Variants in CPAMD8 observed in about 807,000 individuals in gnomAD.
CPAMD8 encodes C3 and PZP like alpha-2-macroglobulin domain containing 8.
Under a neutral mutation model 224.7 loss-of-function variants are expected in CPAMD8, and 146 were observed. That is an observed-to-expected ratio of 0.65 (90% CI 0.57 to 0.75). The LOEUF (loss-of-function observed/expected upper bound fraction) is 0.75, where lower values mean the gene tolerates loss of function less well. Among genes scored for constraint, CPAMD8 ranks in the 30% least tolerant of loss-of-function variants. The probability of loss-of-function intolerance (pLI) is 0.00; values close to 1 mark genes in which losing one functional copy is unlikely to be tolerated. For synonymous variants in CPAMD8, 966 were observed against 1,044.6 expected (o/e 0.92, Z 1.45); for missense variants, 2,301 against 2,537.5 (o/e 0.91, Z 2.00).
chr19:16,904,584 C>A, intron 30 of CPAMD8, 32 bp from the exon 31 acceptor site: 2 of 1,461,662 alleles, frequency 1.4e-6, no homozygotes, highest in East Asian at 2.3e-5. Flanking sequence ...AGAGCTATAA[C>A]CCACCCAGTG....
Position 16,921,893 on chromosome 19 carries a change from G to A in CPAMD8, c.3629+12C>T, listed in dbSNP as rs1306798444. On this transcript the variant is annotated intron_variant, in intron 27 of 41. Coordinates refer to ENST00000443236, the MANE Select transcript of CPAMD8 (RefSeq NM_015692.5). ...AGCCTCAGAGGCAATGCCCAGGGCG[G>A]TGGGGACTCACCACATGCTCCCCGA... is the stretch of plus-strand genomic sequence containing the variant. 4 of 1,532,156 alleles carry A rather than the reference G, an allele frequency of 2.6e-6. No individual in the cohort carries two copies. The highest frequency in any genetic ancestry group is 2.6e-6 in the Non-Finnish European group (3 of 1,137,750). The allele number at this position is 1,532,156 out of a possible 1,614,324, so 94.9% of individuals were successfully genotyped here.
At chr19:16,947,576 T>G (rs532650032) in intron 20 of CPAMD8, among the ~76,000 whole-genome samples, 1 of 152,182 alleles carries the variant, frequency 6.6e-6, no homozygotes, top group African/African-American at 2.4e-5. Context: ...TCCAGATGGA[T>G]GTAACCTCTC....
rs10451483 is a variant in CPAMD8, at chr19:16,937,243, T to C, written c.2845+1152A>G. On this transcript the variant is annotated intron_variant, in intron 23 of 41. Coordinates refer to ENST00000443236, the MANE Select transcript of CPAMD8 (RefSeq NM_015692.5). ...TCCACCTCCTGGGCTCAAGCAATCC[T>C]CCCACCTCCACCTCCCAAGTAGCTG... 5.5e-4 allele frequency among the ~76,000 whole-genome samples: 84 copies of C among 152,052 alleles called. 1 individual carries two copies. The highest frequency in any genetic ancestry group is 1.8e-3 in the African/African-American group (74 of 41,472).
At chr19:17,000,163 T>C in intron 10 of CPAMD8, 1 of 386,822 alleles carries the variant, frequency 2.6e-6, no homozygotes, top group Middle Eastern at 6.6e-4. Context: ...CATATAACTG[T>C]TTTAGAAAGT....
intron 13 of CPAMD8, among the ~76,000 whole-genome samples, chr19:16,986,323 T>G (rs981725738): frequency 6.6e-6 from 1 of 152,086 alleles, no homozygotes; most frequent in Admixed American, 6.6e-5. Flanking sequence ...CGCTGGGGTT[T>G]CTGAGCCACC....
At chr19:17,000,302 T>C in intron 10 of CPAMD8, 112 bp downstream of exon 10, 1 of 597,860 alleles carries the variant, frequency 1.7e-6, no homozygotes, top group South Asian at 2.2e-5. Flanking sequence ...CAAAAACTTT[T>C]TAAAGGCAGT....
chr19:16,961,697 G>A (rs892152230), intron 18 of CPAMD8, among the ~76,000 whole-genome samples: 2 of 152,186 alleles, frequency 1.3e-5, no homozygotes, highest in African/African-American at 4.8e-5. Context: ...CTCTGAGAAC[G>A]GACAGACTGC....
At position 16,957,921 on chromosome 19, in the gene CPAMD8, A is replaced by G. The variant is rs527894709; in HGVS notation, c.2214-6T>C. 6.8e-6 allele frequency: 11 copies of G among 1,610,564 alleles called. No individual in the cohort carries two copies. The African/African-American group carries it at 1.5e-4, about 22-fold the overall frequency. On this transcript the variant is annotated splice_region_variant and splice_polypyrimidine_tract_variant and intron_variant, in intron 18 of 41. Transcript: ENST00000443236. ...TCCTTTTTCTCTTCTCTGTTCTATG[A>G]AAAGAAAAAAAGAAACGATTAAGGT... is the stretch of plus-strand genomic sequence containing the variant.
chr19:16,973,025 G>A (rs1255344091), intron 17 of CPAMD8, among the ~76,000 whole-genome samples: 2 of 151,860 alleles, frequency 1.3e-5, no homozygotes, highest in Non-Finnish European at 2.9e-5. Context: ...AAAAATTAGC[G>A]AGGCATGATG....
rs772888811 is a variant in CPAMD8 at position 16,897,686 on chromosome 19, C to T, written c.5065+5G>A. 22 of 1,494,002 alleles carry T rather than the reference C, an allele frequency of 1.5e-5. No individual in the cohort carries two copies. The highest frequency in any genetic ancestry group is 2.0e-5 in the Non-Finnish European group (22 of 1,111,848). 92.5% of individuals were successfully genotyped at this position (1,494,002 alleles called of 1,614,324 possible). Reference sequence around the variant, plus strand: ...TGGGGGGCGGCAGTGGCTCCGCGCACTCACCCGGGCCCCGGGCAGGGGCGC... The same window carrying T: ...TGGGGGGCGGCAGTGGCTCCGCGCATTCACCCGGGCCCCGGGCAGGGGCGC... On this transcript the variant is annotated splice_donor_5th_base_variant and intron_variant, in intron 39 of 41. Coordinates refer to ENST00000443236, the MANE Select transcript of CPAMD8 (RefSeq NM_015692.5).
chr19:16,907,235 T>C (rs2052556085), intron 29 of CPAMD8, 118 bp from the exon 30 acceptor site: 2 of 1,274,896 alleles, frequency 1.6e-6, no homozygotes, highest in Non-Finnish European at 2.0e-6. Flanking sequence ...CCCCTTGCTT[T>C]GCATCCTTCT....
At chr19:16,945,449 C>A (rs921171824) in intron 22 of CPAMD8, 100 bp downstream of exon 22, 1 of 1,488,182 alleles carries the variant, frequency 6.7e-7, no homozygotes, top group Non-Finnish European at 9.1e-7. Flanking sequence ...GCTGCCCAGG[C>A]CCTGGCTCAG....
At chr19:16,905,853 G>A (rs930209795) in intron 30 of CPAMD8, among the ~76,000 whole-genome samples, 4 of 152,150 alleles carry the variant, frequency 2.6e-5, no homozygotes, top group African/African-American at 9.7e-5. Context: ...GGGGCATTCT[G>A]AGAAAGTCAA....
chr19:16,914,333 G>A (rs1171514838), intron 29 of CPAMD8, 91 bp downstream of exon 29: 1 of 1,040,008 alleles, frequency 9.6e-7, no homozygotes, highest in Middle Eastern at 2.1e-4. Flanking sequence ...GGGCAGGGAG[G>A]AAGAAATCAC....
chr19:16,976,049 T>C lies in CPAMD8; in HGVS notation c.1861A>G (p.Lys621Glu), dbSNP rs2122704954. The change falls in exon 16 of 42, where the codon AAG (lysine) becomes GAG (glutamate). Residue 621 changes from lysine (K) to glutamate (E), a missense_variant. By Grantham distance (56) the Lys-to-Glu change is moderately conservative. Coordinates refer to ENST00000443236, the MANE Select transcript of CPAMD8 (RefSeq NM_015692.5). ...GSCVCVAAVD[K>E]SVYLLRSGFR... The stretch of plus-strand genomic sequence containing the variant: ...CCAGACCTGAGCAGGTAGACACTCT[T>C]ATCAACTGCGGCGACGCACACACAG... 6.2e-7 allele frequency: 1 copy of C among 1,611,024 alleles called. No individual in the cohort carries two copies. The highest frequency in any genetic ancestry group is 8.5e-7 in the Non-Finnish European group (1 of 1,178,704).
chr19:16,928,081 T>C lies in CPAMD8; in HGVS notation c.3298A>G (p.Ser1100Gly), dbSNP rs765164277. Reference sequence around the variant, plus strand: ...GGGACCCCCAGGGTGAAGGCCTCGCTGTAGCTCTCGTCCACCTCCATCTTC... The same window carrying C: ...GGGACCCCCAGGGTGAAGGCCTCGCCGTAGCTCTCGTCCACCTCCATCTTC... Reference protein sequence around the residue: ...WRKMEVDESYSEAFTLGVPHG... With the variant: ...WRKMEVDESYGEAFTLGVPHG... The change falls in exon 25 of 42, where the codon AGC (serine) becomes GGC (glycine). Residue 1100 changes from serine to glycine, a missense_variant. Ser to Gly is a moderately conservative substitution (Grantham distance 56). Transcript: ENST00000443236. 23 of 1,614,032 alleles carry C rather than the reference T, an allele frequency of 1.4e-5. No homozygotes were observed. Among genetic ancestry groups the C allele is most frequent in the Non-Finnish European group, 1.9e-5 (23 of 1,180,014 alleles).
At position 16,929,022 on chromosome 19, in the gene CPAMD8, C is replaced by T. The variant is rs775485539; in HGVS notation, c.3064G>A (p.Ala1022Thr). 27 of 1,614,062 alleles carry T rather than the reference C, an allele frequency of 1.7e-5. No homozygotes were observed. Among genetic ancestry groups the T allele is most frequent in the East Asian group, 4.5e-5 (2 of 44,886 alleles). Reference sequence around the variant, plus strand: ...AGGATCTTGGCCGTGTGTGCACTGGCCACGGGCTCTCCCATCTTGCTGGTG... The same window carrying T: ...AGGATCTTGGCCGTGTGTGCACTGGTCACGGGCTCTCCCATCTTGCTGGTG... The part of the protein sequence containing the change: ...ISTSKMGEPV[A>T]SAHTAKILSW... The change falls in exon 24 of 42, where the codon GCC becomes ACC. Residue 1022 changes from alanine to threonine, a missense_variant. This residue lies in a region of CPAMD8 where 1,709 missense variants were observed against 1,753.2 expected (regional missense o/e 0.97). Coordinates refer to ENST00000443236, the MANE Select transcript of CPAMD8 (RefSeq NM_015692.5).
intron 19 of CPAMD8, among the ~76,000 whole-genome samples, chr19:16,952,824 A>G (rs971894017): frequency 1.3e-5 from 2 of 152,238 alleles, no homozygotes; most frequent in African/African-American, 4.8e-5. Context: ...TGGAACCCCT[A>G]TCATAAACCC....
intron 19 of CPAMD8, among the ~76,000 whole-genome samples, chr19:16,956,902 G>A (rs535574411): frequency 8.7e-4 from 133 of 152,146 alleles, no homozygotes; most frequent in Middle Eastern, 3.4e-3. Flanking sequence ...TCCTGATCTC[G>A]TGATCCACCT....
Sources: gnomAD v4.1 joint callset for allele counts (sites outside exome capture counted in the v4.1 genomes callset) on GRCh38, gnomAD v4.1.1 for gene constraint, gnomAD v4.1.1 regional missense constraint, MANE v1.5 for transcripts, NCBI Gene and HGNC (gene_info 2026-07-23, HGNC 2026-07-21) for gene names.